NR3C2: variants seen among roughly 807,000 people sequenced by gnomAD.
NR3C2 encodes nuclear receptor subfamily 3 group C member 2.
In NR3C2, 15 loss-of-function variants were observed where a neutral mutation model predicts 86.4. That is an observed-to-expected ratio of 0.17 (90% CI 0.12 to 0.27). The LOEUF (loss-of-function observed/expected upper bound fraction) is 0.27. Ranked by LOEUF, NR3C2 falls within the 10% of genes least tolerant of loss-of-function variation. The probability of loss-of-function intolerance (pLI) is 1.00; values close to 1 mark genes in which losing one functional copy is unlikely to be tolerated. For missense variants in NR3C2, 960 were observed against 1,195.6 expected, an observed-to-expected ratio of 0.80 and a Z score of 2.91; for synonymous variants, 458 against 450.5, an observed-to-expected ratio of 1.02 and a Z score of -0.21.
chr4:148,397,729 C>T (rs1034154054), intron 2 of NR3C2, among the ~76,000 whole-genome samples: 2 of 152,156 alleles, frequency 1.3e-5, no homozygotes, highest in Non-Finnish European at 2.9e-5. Context: ...TGAGAGTGAG[C>T]AGCTCATCAT....
chr4:148,324,328 C>G (rs1743829050), intron 2 of NR3C2, among the ~76,000 whole-genome samples: 1 of 132,492 alleles, frequency 7.5e-6, no homozygotes, highest in Admixed American at 8.0e-5. Context: ...GAATAATATT[C>G]CTCTGTGTGT....
intron 8 of NR3C2, among the ~76,000 whole-genome samples, chr4:148,093,742 T>A (rs930397383): frequency 6.6e-6 from 1 of 152,140 alleles, no homozygotes; most frequent in Non-Finnish European, 1.5e-5. Context: ...GAAAATGACC[T>A]GCAGTGATTA....
chr4:148,194,711 A>T (rs1736358478), intron 4 of NR3C2, 35 bp downstream of exon 4: 1 of 1,428,044 alleles, frequency 7.0e-7, no homozygotes, highest in African/African-American at 1.4e-5. Context: ...ATTACCTATT[A>T]ACAATTTTTA....
intron 4 of NR3C2, among the ~76,000 whole-genome samples, chr4:148,161,586 C>T (rs1208041285): frequency 6.6e-6 from 1 of 152,066 alleles, no homozygotes; most frequent in East Asian, 1.9e-4. Flanking sequence ...GAACTCCTTA[C>T]CTCAGGTAAT....
intron 2 of NR3C2, among the ~76,000 whole-genome samples, chr4:148,420,737 CATGA>C (rs563746533): frequency 6.9e-4 from 105 of 152,150 alleles, no homozygotes; most frequent in Non-Finnish European, 1.3e-3. Context: ...GTGAATCCTT[CATGA>C]ATGGTTTAGC....
In NR3C2 at chr4:148,326,218, A is replaced by C. The variant is rs571292661; in HGVS notation, c.1758-66101T>G. ...ATCCTGGCTAACATGGTGAAACTCT[A>C]TCTCTACTAAAAATACAAAAAAAAA... On this transcript the variant is annotated intron_variant, in intron 2 of 8. Coordinates refer to ENST00000358102, the MANE Select transcript of NR3C2 (RefSeq NM_000901.5). Among the ~76,000 whole-genome samples, 24 of 136,712 alleles carry C rather than the reference A, an allele frequency of 1.8e-4. 1 individual carries two copies. Among genetic ancestry groups the C allele is most frequent in the South Asian group, 4.8e-4 (2 of 4,132 alleles). 89.7% of individuals were successfully genotyped at this position (136,712 alleles called of 152,430 possible).
At chr4:148,376,921 ACT>A (rs1491159490) in intron 2 of NR3C2, among the ~76,000 whole-genome samples, 1 of 152,200 alleles carries the variant, frequency 6.6e-6, no homozygotes, top group African/African-American at 2.4e-5. Context: ...TCAAAGTTAT[ACT>A]TTTTTTGAAA....
chr4:148,324,476 C>A (rs1743848387), intron 2 of NR3C2, among the ~76,000 whole-genome samples: 1 of 151,958 alleles, frequency 6.6e-6, no homozygotes, highest in African/African-American at 2.4e-5. Flanking sequence ...GTGAATAATG[C>A]TGCAAACTCA....
At chr4:148,141,563 A>G (rs1182586945) in intron 6 of NR3C2, among the ~76,000 whole-genome samples, 1 of 152,168 alleles carries the variant, frequency 6.6e-6, no homozygotes, top group African/African-American at 2.4e-5. Context: ...ATATAGACAC[A>G]GTAAGTACCA....
chr4:148,136,063 A>C lies in NR3C2; in HGVS notation c.2511-15775T>G, dbSNP rs1379832248. Among the ~76,000 whole-genome samples, 55 of 58,016 alleles carry C rather than the reference A, an allele frequency of 9.5e-4. 4 individuals are homozygous for C. The highest frequency in any genetic ancestry group is 7.3e-3 in the South Asian group (14 of 1,928). 38.1% of individuals were successfully genotyped at this position (58,016 alleles called of 152,430 possible). A position where few individuals can be genotyped will look rare whatever the true frequency, so the allele number is the denominator to read the frequency against. ...CAGAGCGAGACTCCGTCTCAAAAAA[A>C]AAAAAAAAAAAAACAAAAAAAAAAA... On this transcript the variant is annotated intron_variant, in intron 6 of 8. Transcript: ENST00000358102.
chr4:148,081,032 A>ACTT lies in NR3C2; in HGVS notation c.*309_*311dup, dbSNP rs1182019056. On this transcript the variant is annotated 3_prime_UTR_variant, in exon 9 of 9. Coordinates refer to ENST00000358102, the MANE Select transcript of NR3C2 (RefSeq NM_000901.5). Reference sequence around the variant, plus strand: ...CCAGAAACTACACGGCATAGTTAAAACTTCTTCCATCTGTGAAAATATCAA... The same window carrying ACTT: ...CCAGAAACTACACGGCATAGTTAAAACTTCTTCTTCCATCTGTGAAAATATCAA... 9.9e-6 allele frequency: 4 copies of ACTT among 404,732 alleles called. No individual in the cohort carries two copies. The Admixed American group carries it at 1.4e-4, about 15-fold the overall frequency. 25.1% of individuals were successfully genotyped at this position (404,732 alleles called of 1,614,324 possible).
chr4:148,363,520 T>TTTTTTTTTTC (rs1458991595), intron 2 of NR3C2, among the ~76,000 whole-genome samples: 1 of 147,864 alleles, frequency 6.8e-6, no homozygotes, highest in African/African-American at 2.5e-5. Flanking sequence ...TTTTTTTTTT[T>TTTTTTTTTTC]TGAGACGGAG....
Position 148,435,368 on chromosome 4 carries a change from T to G in NR3C2, c.1493A>C (p.Asp498Ala). Reference sequence around the variant, plus strand: ...GGCCTCTGGGTAATAGCTCCCATCATCTGGTTCTTGTTTAATACCCACTGG... The same window carrying G: ...GGCCTCTGGGTAATAGCTCCCATCAGCTGGTTCTTGTTTAATACCCACTGG... ...GFPVGIKQEP[D>A]DGSYYPEASI... Residue 498 changes from aspartate to alanine, a missense_variant, in exon 2 of 9, where the codon GAT becomes GCT. Physicochemically the swap from Asp to Ala is moderately radical, Grantham distance 126. This residue lies in a region of NR3C2 where 680 missense variants were observed against 719.0 expected (regional missense o/e 0.95). Coordinates refer to ENST00000358102, the MANE Select transcript of NR3C2 (RefSeq NM_000901.5). 6.2e-7 allele frequency: 1 copy of G among 1,614,180 alleles called. No individual in the cohort carries two copies. Among genetic ancestry groups the G allele is most frequent in the South Asian group, 1.1e-5 (1 of 91,082 alleles).
rs549443921 is a variant in NR3C2 at position 148,270,948 on chromosome 4, C to T, written c.1758-10831G>A. ...GAATTCCTTATGGTTCATTTTAACACATTTCTGACCTCTGGCTTTAATGAT... is the reference window on the plus strand; with the variant it reads ...GAATTCCTTATGGTTCATTTTAACATATTTCTGACCTCTGGCTTTAATGAT... On this transcript the variant is annotated intron_variant, in intron 2 of 8. Coordinates refer to ENST00000358102, the MANE Select transcript of NR3C2 (RefSeq NM_000901.5). 1.3e-4 allele frequency among the ~76,000 whole-genome samples: 20 copies of T among 152,292 alleles called. No individual in the cohort carries two copies. The South Asian group carries it at 3.1e-3, about 24-fold the overall frequency.
At chr4:148,317,358 AAAAAAAAAGAAAAAAAG>A (rs1003973840) in intron 2 of NR3C2, among the ~76,000 whole-genome samples, 5 of 151,448 alleles carry the variant, frequency 3.3e-5, no homozygotes, top group Non-Finnish European at 7.4e-5. Flanking sequence ...TCTGTCTCAA[AAAAAAAAAGAAAAAAAG>A]AAAAAAAAGA....
intron 3 of NR3C2, among the ~76,000 whole-genome samples, chr4:148,216,474 C>A (rs2883930): frequency 4.6e-5 from 7 of 151,740 alleles, no homozygotes; most frequent in South Asian, 2.1e-4. Context: ...AAGTGTTTGC[C>A]GAGAGTAAAT....
intron 3 of NR3C2, among the ~76,000 whole-genome samples, chr4:148,230,439 T>C (rs1738401998): frequency 6.6e-6 from 1 of 152,126 alleles, no homozygotes; most frequent in Admixed American, 6.5e-5. Flanking sequence ...TCAAGTCGTC[T>C]GCCCACCTCA....
chr4:148,288,005 G>A (rs1741613554), intron 2 of NR3C2, among the ~76,000 whole-genome samples: 1 of 152,032 alleles, frequency 6.6e-6, no homozygotes, highest in South Asian at 2.1e-4. Context: ...AGAGACTGAA[G>A]AACAGAAAAC....
At chr4:148,159,273 A>T (rs1243454130) in intron 4 of NR3C2, among the ~76,000 whole-genome samples, 2 of 152,182 alleles carry the variant, frequency 1.3e-5, no homozygotes, top group Admixed American at 6.5e-5. Context: ...TACATATATA[A>T]AGTATTAGTT....
Sources: allele counts gnomAD v4.1 joint callset (sites outside exome capture counted in the v4.1 genomes callset), GRCh38; gene constraint gnomAD v4.1.1; regional missense constraint gnomAD v4.1.1; transcripts MANE v1.5; gene names NCBI Gene and HGNC (gene_info 2026-07-23, HGNC 2026-07-21).